NR3C2: variants seen among roughly 807,000 people sequenced by gnomAD.
The protein encoded by NR3C2 is mineralocorticoid receptor.
Under a neutral mutation model 86.4 loss-of-function variants are expected in NR3C2, and 15 were observed. That is an observed-to-expected ratio of 0.17 (90% CI 0.12 to 0.27). The LOEUF is 0.27. Among genes scored for constraint, NR3C2 ranks in the 10% least tolerant of loss-of-function variants. NR3C2 has a pLI of 1.00. For missense variants in NR3C2, 960 were observed against 1,195.6 expected (o/e 0.80, Z 2.91); for synonymous variants, 458 against 450.5 (o/e 1.02, Z -0.21).
chr4:148,187,443 T>A (rs961668366), intron 4 of NR3C2, among the ~76,000 whole-genome samples: 1 of 152,198 alleles, frequency 6.6e-6, no homozygotes, highest in African/African-American at 2.4e-5. Context: ...GATTTGCAGT[T>A]CCCTGATCAT....
intron 2 of NR3C2, among the ~76,000 whole-genome samples, chr4:148,284,762 G>C (rs1357732530): frequency 5.9e-5 from 9 of 152,002 alleles, no homozygotes; most frequent in Admixed American, 3.3e-4. Context: ...GTAATTCTAC[G>C]CCACTGTCCA....
At chr4:148,236,681 C>T (rs1186662113) in intron 3 of NR3C2, among the ~76,000 whole-genome samples, 1 of 152,180 alleles carries the variant, frequency 6.6e-6, no homozygotes, top group African/African-American at 2.4e-5. Flanking sequence ...GCTGGACACT[C>T]ATGGTCATCA....
intron 3 of NR3C2, among the ~76,000 whole-genome samples, chr4:148,209,904 A>C (rs986631377): frequency 5.9e-5 from 9 of 152,148 alleles, no homozygotes; most frequent in African/African-American, 2.2e-4. Flanking sequence ...TACTGGCCTG[A>C]TCAATTTGCT....
At chr4:148,124,581 T>C (rs185344977) in intron 6 of NR3C2, among the ~76,000 whole-genome samples, 3 of 152,360 alleles carry the variant, frequency 2.0e-5, no homozygotes, top group Admixed American at 2.0e-4. Context: ...TTTTTAATTC[T>C]CCTGTTCAGG....
At chr4:148,159,949 C>G (rs1324878804) in intron 4 of NR3C2, among the ~76,000 whole-genome samples, 1 of 152,198 alleles carries the variant, frequency 6.6e-6, no homozygotes, top group East Asian at 1.9e-4. Flanking sequence ...CAGACCCAAA[C>G]AGCATTTTCT....
chr4:148,223,357 G>C (rs1737965819), intron 3 of NR3C2, among the ~76,000 whole-genome samples: 1 of 152,176 alleles, frequency 6.6e-6, no homozygotes, highest in Non-Finnish European at 1.5e-5. Context: ...ACCATGTATT[G>C]TTAGTGTTGT....
intron 3 of NR3C2, among the ~76,000 whole-genome samples, chr4:148,219,863 C>A (rs1451894713): frequency 6.6e-6 from 1 of 152,080 alleles, no homozygotes; most frequent in Non-Finnish European, 1.5e-5. Flanking sequence ...CTTTTAATTT[C>A]TAGCACAAAA....
intron 3 of NR3C2, among the ~76,000 whole-genome samples, chr4:148,210,306 T>C (rs899464424): frequency 6.6e-6 from 1 of 152,172 alleles, no homozygotes; most frequent in African/African-American, 2.4e-5. Flanking sequence ...TTCTCCTGCC[T>C]CAGCCTCCCA....
intron 2 of NR3C2, among the ~76,000 whole-genome samples, chr4:148,284,238 T>A (rs1046493168): frequency 6.6e-6 from 1 of 152,190 alleles, no homozygotes; most frequent in Non-Finnish European, 1.5e-5. Context: ...TGCTCCCCCC[T>A]CTTGCTGGGG....
At chr4:148,140,205 A>G (rs549525704) in intron 6 of NR3C2, among the ~76,000 whole-genome samples, 2 of 152,278 alleles carry the variant, frequency 1.3e-5, no homozygotes, top group Admixed American at 6.5e-5. Flanking sequence ...CAAATTTTCA[A>G]TAAAGAAATC....
chr4:148,336,039 G>T (rs1462385977), intron 2 of NR3C2, among the ~76,000 whole-genome samples: 1 of 152,078 alleles, frequency 6.6e-6, no homozygotes, highest in Non-Finnish European at 1.5e-5. Flanking sequence ...TCTCCCCAAA[G>T]GCCAAGCATG....
chr4:148,190,079 G>A (rs1045569558), intron 4 of NR3C2, among the ~76,000 whole-genome samples: 12 of 151,922 alleles, frequency 7.9e-5, no homozygotes, highest in Non-Finnish European at 1.5e-4. Flanking sequence ...TCTTCTGCTG[G>A]GTTTGGGTTT....
chr4:148,241,058 C>T (rs897293688), intron 3 of NR3C2, among the ~76,000 whole-genome samples: 4 of 152,000 alleles, frequency 2.6e-5, no homozygotes, highest in Non-Finnish European at 4.4e-5. Flanking sequence ...GTAATCCCAA[C>T]GCTTTGGGAG....
intron 4 of NR3C2, among the ~76,000 whole-genome samples, chr4:148,160,487 G>A (rs149856215): frequency 3.2e-4 from 48 of 152,176 alleles, no homozygotes; most frequent in African/African-American, 1.0e-3. Context: ...CTTTCACCAC[G>A]TAAAGATTCT....
rs61760316 is a variant in NR3C2, at chr4:148,288,446, T to C, written c.1758-28329A>G. ...AACCCACATAATGCCTCTACTCTCA[T>C]GGAGCTGTCATTCTAGTAAAAATAA... is the stretch of plus-strand genomic sequence containing the variant. On this transcript the variant is annotated intron_variant, in intron 2 of 8. Coordinates refer to ENST00000358102, the MANE Select transcript of NR3C2 (RefSeq NM_000901.5). Among the ~76,000 whole-genome samples the C allele has an allele frequency of 5.5e-3, 839 of 152,318 alleles. 7 individuals carry two copies. The highest frequency in any genetic ancestry group is 0.024 in the Middle Eastern group (7 of 294).
intron 8 of NR3C2, among the ~76,000 whole-genome samples, chr4:148,101,728 T>G (rs1401659410): frequency 3.3e-5 from 5 of 152,236 alleles, no homozygotes; most frequent in Admixed American, 1.3e-4. Context: ...TTAGCCAGGC[T>G]TAAACATATA....
intron 2 of NR3C2, among the ~76,000 whole-genome samples, chr4:148,287,776 T>C (rs937868800): frequency 5.3e-5 from 8 of 152,168 alleles, no homozygotes; most frequent in Non-Finnish European, 8.8e-5. Context: ...GACAAGTATA[T>C]AATAGTTTTT....
intron 2 of NR3C2, among the ~76,000 whole-genome samples, chr4:148,372,147 T>C (rs1333807334): frequency 6.6e-6 from 1 of 152,154 alleles, no homozygotes; most frequent in African/African-American, 2.4e-5. Context: ...CTAGAATGTA[T>C]TTAAAGTAAG....
At chr4:148,084,212 A>C (rs1291987973) in intron 8 of NR3C2, among the ~76,000 whole-genome samples, 2 of 152,190 alleles carry the variant, frequency 1.3e-5, no homozygotes, top group Non-Finnish European at 2.9e-5. Flanking sequence ...AAGACACAGA[A>C]TAGTCAGATT....
Sources: allele counts gnomAD v4.1 joint callset (sites outside exome capture counted in the v4.1 genomes callset), GRCh38; gene constraint gnomAD v4.1.1; transcripts MANE v1.5; gene names NCBI Gene and HGNC (gene_info 2026-07-23, HGNC 2026-07-21).